The following SPPL2A variants were observed in gnomAD, a reference collection of about 807,000 sequenced individuals.
SPPL2A encodes signal peptide peptidase-like 2A.
Under a neutral mutation model 63.8 loss-of-function variants are expected in SPPL2A, and 51 were observed. The ratio of observed to expected loss-of-function variants is 0.80; its 90% CI spans 0.64 to 1.01. The LOEUF is 1.01. Among genes scored for constraint, SPPL2A ranks in the 50% least tolerant of loss-of-function variants. The pLI is 0.00. For synonymous variants in SPPL2A, 188 were observed against 205.8 expected, an observed-to-expected ratio of 0.91 and a Z score of 0.74; for missense variants, 553 against 622.7, an observed-to-expected ratio of 0.89 and a Z score of 1.19.
In SPPL2A at chr15:50,707,409, G is replaced by A. The variant is rs181667895; in HGVS notation, c.*391C>T. On this transcript the variant is annotated 3_prime_UTR_variant, in exon 15 of 15. Transcript: ENST00000261854. ...TGGGATTACAGGCGTGAGCCACCGC[G>A]CCTGGCCAATTTGCATAATTCTTTA... 32 of 156,230 alleles carry A rather than the reference G, an allele frequency of 2.0e-4. No individual in the cohort carries two copies. Among genetic ancestry groups the A allele is most frequent in the Admixed American group, 1.9e-3 (29 of 15,558 alleles). 9.7% of individuals were successfully genotyped at this position (156,230 alleles called of 1,614,324 possible). A position where few individuals can be genotyped will look rare whatever the true frequency, so the allele number is the denominator to read the frequency against.
intron 9 of SPPL2A, among the ~76,000 whole-genome samples, chr15:50,732,066 T>C (rs967240237): frequency 9.2e-5 from 14 of 151,424 alleles, no homozygotes; most frequent in African/African-American, 3.2e-4. Context: ...ACAGCTTGGG[T>C]AGCACAGCAA....
At chr15:50,709,246 A>G (rs1032214840) in intron 14 of SPPL2A, among the ~76,000 whole-genome samples, 1 of 150,586 alleles carries the variant, frequency 6.6e-6, no homozygotes, top group African/African-American at 2.4e-5. Flanking sequence ...CTTTTAGACT[A>G]GTGATTAAAT....
intron 14 of SPPL2A, among the ~76,000 whole-genome samples, chr15:50,708,575 G>A (rs1298844995): frequency 1.3e-5 from 2 of 151,322 alleles, no homozygotes; most frequent in Non-Finnish European, 3.0e-5. Flanking sequence ...GCGTAGTGGC[G>A]GGCGCCTGTA....
Position 50,732,650 on chromosome 15 carries a change from C to G in SPPL2A, c.967G>C (p.Ala323Pro). 1.2e-6 allele frequency: 2 copies of G among 1,611,106 alleles called. No homozygotes were observed. Among genetic ancestry groups the G allele is most frequent in the Middle Eastern group, 1.7e-4 (1 of 6,032 alleles). Reference sequence around the variant, plus strand: ...GTTTTAATTAAATTCAGACAGAAAGCAATCCCCAAGATATCCTGTAAAATC... The same window carrying G: ...GTTTTAATTAAATTCAGACAGAAAGGAATCCCCAAGATATCCTGTAAAATC... ...AWILQDILGI[A>P]FCLNLIKTLK... Residue 323 changes from alanine to proline, a missense_variant, in exon 9 of 15, where the codon GCT becomes CCT. By Grantham distance (27) the Ala-to-Pro change is conservative (BLOSUM62 -1). Transcript: ENST00000261854.
chr15:50,721,795 A>T (rs1394784217), intron 13 of SPPL2A, among the ~76,000 whole-genome samples: 1 of 151,832 alleles, frequency 6.6e-6, no homozygotes, highest in Non-Finnish European at 1.5e-5. Flanking sequence ...TTTAGTAGAG[A>T]CAGGGTTTCA....
chr15:50,751,181 G>C (rs917624141), intron 1 of SPPL2A, among the ~76,000 whole-genome samples: 16 of 152,328 alleles, frequency 1.1e-4, no homozygotes, highest in African/African-American at 3.1e-4. Context: ...ATGTGAAAAA[G>C]AGAAATGTAG....
Position 50,748,114 on chromosome 15 carries a change from TG to T in SPPL2A, c.448del (p.Gln150ArgfsTer3). The T allele has an allele frequency of 1.5e-6, 2 of 1,311,254 alleles. No individual in the cohort carries two copies. Among genetic ancestry groups the T allele is most frequent in the Non-Finnish European group, 2.1e-6 (2 of 966,326 alleles). 81.2% of individuals were successfully genotyped at this position (1,311,254 alleles called of 1,614,324 possible). A position where few individuals can be genotyped will look rare whatever the true frequency, so the allele number is the denominator to read the frequency against. On this transcript the variant is annotated frameshift_variant and splice_region_variant, in exon 4 of 15. Transcript: ENST00000261854. LOFTEE classifies it high-confidence loss of function. ...ISYKDFRDMNQTLGDNITVKM... is the reference protein window; with the variant it reads ...ISYKDFRDMNXTLGDNITVKM... Reference sequence around the variant, plus strand: ...TCTAATATGTAATTGCTAATTTACCTGGTTCATATCTCTAAAGTCTTTGTAG... The same window carrying T: ...TCTAATATGTAATTGCTAATTTACCTGTTCATATCTCTAAAGTCTTTGTAG...
intron 1 of SPPL2A, among the ~76,000 whole-genome samples, chr15:50,763,591 T>C (rs923694834): frequency 2.6e-5 from 4 of 152,068 alleles, no homozygotes; most frequent in African/African-American, 4.8e-5. Context: ...ACAAAGCACA[T>C]AGGTGCAATA....
At chr15:50,717,292 A>C (rs1234831345) in intron 14 of SPPL2A, among the ~76,000 whole-genome samples, 1 of 152,036 alleles carries the variant, frequency 6.6e-6, no homozygotes, top group Non-Finnish European at 1.5e-5. Flanking sequence ...CTCCCACCTC[A>C]GGCTCCCGAG....
chr15:50,741,163 ACT>A (rs1379826296), intron 5 of SPPL2A, among the ~76,000 whole-genome samples: 1 of 152,118 alleles, frequency 6.6e-6, no homozygotes, highest in Admixed American at 6.6e-5. Context: ...CGACCTTACT[ACT>A]GTCTCCTCCT....
At chr15:50,711,071 C>T (rs1227163213) in intron 14 of SPPL2A, among the ~76,000 whole-genome samples, 3 of 152,064 alleles carry the variant, frequency 2.0e-5, no homozygotes, top group African/African-American at 4.8e-5. Flanking sequence ...ACTAAGACTT[C>T]ACATAAAATC....
chr15:50,711,349 A>T (rs1332761820), intron 14 of SPPL2A, among the ~76,000 whole-genome samples: 1 of 151,548 alleles, frequency 6.6e-6, no homozygotes, highest in African/African-American at 2.4e-5. Context: ...AGCTGGGATT[A>T]CAGGCACACG....
At position 50,707,455 on chromosome 15, in the gene SPPL2A, T is replaced by A. The variant is rs564118886; in HGVS notation, c.*345A>T. On this transcript the variant is annotated 3_prime_UTR_variant, in exon 15 of 15. Transcript: ENST00000261854. ...CTTTACAGTAAAACCCATTCAGAAA[T>A]AGTAACTACTTGTATCTACCATCAG... 1 of 178,362 alleles carries A rather than the reference T, an allele frequency of 5.6e-6. No individual in the cohort carries two copies. Among genetic ancestry groups the A allele is most frequent in the Non-Finnish European group, 1.2e-5 (1 of 85,076 alleles). 11.0% of individuals were successfully genotyped at this position (178,362 alleles called of 1,614,324 possible).
At chr15:50,725,523 C>T (rs919285188) in intron 11 of SPPL2A, 200 bp from the exon 12 acceptor site, 4 of 394,446 alleles carry the variant, frequency 1.0e-5, no homozygotes, top group Non-Finnish European at 1.8e-5. Context: ...CTCCGCCTCC[C>T]AGGTTCAAGC....
intron 1 of SPPL2A, among the ~76,000 whole-genome samples, 178 bp downstream of exon 1, chr15:50,765,290 G>A (rs2063048831): frequency 1.3e-5 from 2 of 152,136 alleles, no homozygotes; most frequent in Non-Finnish European, 2.9e-5. Flanking sequence ...GAAAAGAGGA[G>A]GGTGGAAGGA....
At chr15:50,722,581 TGA>T (rs934925800) in intron 12 of SPPL2A, among the ~76,000 whole-genome samples, 26 of 152,080 alleles carry the variant, frequency 1.7e-4, no homozygotes, top group African/African-American at 6.3e-4. Context: ...CTCAGCCTCC[TGA>T]GTAGCTGGGA....
At chr15:50,753,429 T>C (rs2062926603) in intron 1 of SPPL2A, among the ~76,000 whole-genome samples, 1 of 152,188 alleles carries the variant, frequency 6.6e-6, no homozygotes, top group African/African-American at 2.4e-5. Flanking sequence ...GAAAATTCAG[T>C]TTACTACAAT....
chr15:50,727,865 C>T (rs1485084588), intron 10 of SPPL2A, among the ~76,000 whole-genome samples: 1 of 152,200 alleles, frequency 6.6e-6, no homozygotes, highest in Non-Finnish European at 1.5e-5. Context: ...AGTAAATCTA[C>T]AGCAGTGAAC....
At position 50,720,382 on chromosome 15, in the gene SPPL2A, A is replaced by G. The variant is rs530008216; in HGVS notation, c.1328-282T>C. On this transcript the variant is annotated intron_variant, in intron 13 of 14. Transcript: ENST00000261854. The stretch of plus-strand genomic sequence containing the variant: ...AGCTTCAATTATCTGTTGCTATTAA[A>G]GATGTTAAATAGTTTCATATTTTAG... Among the ~76,000 whole-genome samples the G allele has an allele frequency of 3.4e-5, 5 of 146,656 alleles. No homozygotes were observed. In the East Asian group the frequency reaches 1.2e-3, roughly 36 times the overall value.
Sources: allele counts gnomAD v4.1 joint callset (sites outside exome capture counted in the v4.1 genomes callset), GRCh38; gene constraint gnomAD v4.1.1; transcripts MANE v1.5; gene names NCBI Gene and HGNC (gene_info 2026-07-23, HGNC 2026-07-21).